RBFOX1: variants seen among roughly 807,000 people sequenced by gnomAD.
The protein encoded by RBFOX1 is RNA binding fox-1 homolog 1, also known as RNA binding protein fox-1 homolog 1.
Under a neutral mutation model 57.7 loss-of-function variants are expected in RBFOX1, and 8 were observed. The observed-to-expected ratio is 0.14, with a 90% CI of 0.08 to 0.25. The LOEUF is 0.25. Among genes scored for constraint, RBFOX1 ranks in the 10% least tolerant of loss-of-function variants. The pLI is 1.00. For missense variants in RBFOX1, 611 were observed against 548.5 expected (o/e 1.11, Z -1.14); for synonymous variants, 326 against 222.4 (o/e 1.47, Z -4.15).
In RBFOX1 at chr16:7,471,938, C is replaced by G. The variant is rs373610273; in HGVS notation, c.28-46209C>G. Among the ~76,000 whole-genome samples the G allele has an allele frequency of 7.2e-5, 11 of 152,070 alleles. No homozygotes were observed. In the South Asian group the frequency reaches 1.0e-3, roughly 14 times the overall value. ...GGTCAAATGTCAGCACCGTTCAACACGGGCTGAAGAAGCTGACAAAAAAGG... is the reference window on the plus strand; with the variant it reads ...GGTCAAATGTCAGCACCGTTCAACAGGGGCTGAAGAAGCTGACAAAAAAGG... On this transcript the variant is annotated intron_variant, in intron 4 of 15. Coordinates refer to ENST00000550418, the MANE Select transcript of RBFOX1 (RefSeq NM_018723.4).
chr16:6,655,373 CAAAAAAAAAAAAAA>C lies in RBFOX1; in HGVS notation c.-16+740_-16+753del, dbSNP rs71406388. 1.2e-3 allele frequency among the ~76,000 whole-genome samples: 41 copies of C among 33,742 alleles called. 1 individual carries two copies. Among genetic ancestry groups the C allele is most frequent in the Admixed American group, 4.0e-3 (13 of 3,236 alleles). 22.1% of individuals were successfully genotyped at this position (33,742 alleles called of 152,430 possible). Reference sequence around the variant, plus strand: ...TGAGTGACAAAATAAGCCTCCGTTTCAAAAAAAAAAAAAAAAAAAAAAAAAAAAAAGAGCTCGCG... The same window carrying C: ...TGAGTGACAAAATAAGCCTCCGTTTCAAAAAAAAAAAAAAAAGAGCTCGCG... On this transcript the variant is annotated intron_variant, in intron 3 of 15. Coordinates refer to ENST00000550418, the MANE Select transcript of RBFOX1 (RefSeq NM_018723.4).
intron 3 of RBFOX1, among the ~76,000 whole-genome samples, chr16:6,711,420 C>T (rs1046467472): frequency 1.3e-5 from 2 of 152,172 alleles, no homozygotes; most frequent in Non-Finnish European, 2.9e-5. Flanking sequence ...TCTGTGTCCC[C>T]ACTCAAATCT....
At chr16:6,170,631 A>G (rs931401038) in intron 1 of RBFOX1, among the ~76,000 whole-genome samples, 1 of 152,140 alleles carries the variant, frequency 6.6e-6, no homozygotes, top group Non-Finnish European at 1.5e-5. Flanking sequence ...GTGCATAAGC[A>G]GTTTTTTTAT....
At chr16:5,750,194 A>T (rs556188668) in intron 3 of RBFOX1, among the ~76,000 whole-genome samples, 1 of 152,320 alleles carries the variant, frequency 6.6e-6, no homozygotes, top group South Asian at 2.1e-4. Context: ...ATTTCTGAAC[A>T]GCAAATGTTG....
In RBFOX1 at chr16:6,019,260, G is replaced by C; in HGVS notation, c.-859G>C. 1.0e-6 allele frequency: 1 copy of C among 985,228 alleles called. No individual in the cohort carries two copies. The highest frequency in any genetic ancestry group is 1.7e-5 in the African/African-American group (1 of 57,230). 61.0% of individuals were successfully genotyped at this position (985,228 alleles called of 1,614,324 possible). ...ACACACCGCTCCCTCGATCACCCCA[G>C]CCCCCTTCCTGGTCTCCCGAGCGCG... On this transcript the variant is annotated 5_prime_UTR_variant, in exon 1 of 16. Coordinates refer to ENST00000550418, the MANE Select transcript of RBFOX1 (RefSeq NM_018723.4). This position sits in a 1 kb window ranked among gnomAD's most constrained non-coding sequence, Gnocchi z 4.2.
At chr16:6,129,044 C>T (rs763857941) in intron 1 of RBFOX1, among the ~76,000 whole-genome samples, 51 of 152,152 alleles carry the variant, frequency 3.4e-4, no homozygotes, top group Non-Finnish European at 6.0e-4. Flanking sequence ...AATTCAGCAC[C>T]TTTCAGAAGA....
In RBFOX1 at chr16:7,351,179, G is replaced by A. The variant is rs373812370; in HGVS notation, c.28-166968G>A. On this transcript the variant is annotated intron_variant, in intron 4 of 15. Coordinates refer to ENST00000550418, the MANE Select transcript of RBFOX1 (RefSeq NM_018723.4). ...ACAACTTGGGAGTTTGGATTCAGAT[G>A]GACCGAGGTTCCAGAGCCAGCCTCA... Among the ~76,000 whole-genome samples, 47 of 152,298 alleles carry A rather than the reference G, an allele frequency of 3.1e-4. 1 individual carries two copies. In the East Asian group the frequency reaches 4.1e-3, roughly 13 times the overall value.
chr16:7,156,363 A>G (rs2077134695), intron 4 of RBFOX1, among the ~76,000 whole-genome samples: 1 of 152,060 alleles, frequency 6.6e-6, no homozygotes, highest in Non-Finnish European at 1.5e-5. Flanking sequence ...ATACATGCAC[A>G]TATACATATG....
At chr16:5,323,034 G>C (rs563815545) in intron 1 of RBFOX1, among the ~76,000 whole-genome samples, 1 of 152,270 alleles carries the variant, frequency 6.6e-6, no homozygotes, top group African/African-American at 2.4e-5. Context: ...GGATCTCCTT[G>C]GATAAGTCAT....
intron 3 of RBFOX1, among the ~76,000 whole-genome samples, chr16:7,050,186 C>T (rs1369075916): frequency 6.7e-6 from 1 of 150,270 alleles, no homozygotes; most frequent in Non-Finnish European, 1.5e-5. Flanking sequence ...AGAATTGTAC[C>T]AGTTTCTTTT....
intron 4 of RBFOX1, among the ~76,000 whole-genome samples, chr16:7,166,395 G>A (rs551580531): frequency 2.4e-3 from 367 of 152,206 alleles, no homozygotes; most frequent in Non-Finnish European, 4.2e-3. Context: ...GAGGGAGTGG[G>A]TTGTAAGGAA....
At chr16:5,348,826 C>T (rs900534442) in intron 1 of RBFOX1, among the ~76,000 whole-genome samples, 2 of 152,208 alleles carry the variant, frequency 1.3e-5, no homozygotes, top group African/African-American at 4.8e-5. Flanking sequence ...TGTCAGCAGA[C>T]TCTTAGGTTG....
At chr16:6,546,267 C>T (rs1245235460) in intron 2 of RBFOX1, among the ~76,000 whole-genome samples, 1 of 152,182 alleles carries the variant, frequency 6.6e-6, no homozygotes, top group East Asian at 1.9e-4. Context: ...GCCTGTCAGA[C>T]TTTGTCCCAA....
intron 3 of RBFOX1, among the ~76,000 whole-genome samples, chr16:6,677,957 G>A (rs866387282): frequency 2.0e-5 from 3 of 152,010 alleles, no homozygotes; most frequent in African/African-American, 2.4e-5. Context: ...ACCTAGTACC[G>A]CCTAATAGAA....
At chr16:6,830,449 A>G (rs1287659794) in intron 3 of RBFOX1, among the ~76,000 whole-genome samples, 1 of 152,144 alleles carries the variant, frequency 6.6e-6, no homozygotes, top group Non-Finnish European at 1.5e-5. Flanking sequence ...CCGTAAGAGG[A>G]AGACCTTAGA....
chr16:6,802,582 C>T (rs538567644), intron 3 of RBFOX1, among the ~76,000 whole-genome samples: 4 of 152,268 alleles, frequency 2.6e-5, no homozygotes, highest in South Asian at 2.1e-4. Flanking sequence ...GAGGGTGAGG[C>T]AGGAGAATCG....
intron 3 of RBFOX1, among the ~76,000 whole-genome samples, chr16:6,844,953 C>G (rs1245761244): frequency 6.6e-6 from 1 of 151,962 alleles, no homozygotes; most frequent in Non-Finnish European, 1.5e-5. Flanking sequence ...AAGCTTTTTT[C>G]CTATGTTTGT....
At chr16:5,618,029 T>G (rs2048089235) in intron 3 of RBFOX1, among the ~76,000 whole-genome samples, 1 of 152,194 alleles carries the variant, frequency 6.6e-6, no homozygotes. Context: ...ATAACATAAA[T>G]TATACAAATC....
At chr16:5,283,455 G>A (rs1397937673) in intron 1 of RBFOX1, among the ~76,000 whole-genome samples, 1 of 152,084 alleles carries the variant, frequency 6.6e-6, no homozygotes. Context: ...AGTGAAAGGA[G>A]CCCCTCCTTT....
Sources: allele counts gnomAD v4.1 joint callset (sites outside exome capture counted in the v4.1 genomes callset), GRCh38; gene constraint gnomAD v4.1.1; non-coding constraint Gnocchi (gnomAD v3.1); transcripts MANE v1.5; gene names NCBI Gene and HGNC (gene_info 2026-07-23, HGNC 2026-07-21).